GPATCH8: variants seen among roughly 807,000 people sequenced by gnomAD.
GPATCH8 encodes G patch domain-containing protein 8.
A neutral mutation model predicts 118.3 loss-of-function variants in GPATCH8; 18 were observed. The observed-to-expected ratio is 0.15, with a 90% CI of 0.11 to 0.23. The LOEUF (loss-of-function observed/expected upper bound fraction) is 0.23, where lower values mean the gene tolerates loss of function less well. GPATCH8 is among the 10% of genes least tolerant of loss of function. The probability of loss-of-function intolerance (pLI) is 1.00; values close to 1 mark genes in which losing one functional copy is unlikely to be tolerated. For missense variants in GPATCH8, 1,631 were observed against 1,873.8 expected (o/e 0.87, Z 2.39); for synonymous variants, 659 against 684.7 (o/e 0.96, Z 0.59).
intron 6 of GPATCH8, among the ~76,000 whole-genome samples, chr17:44,410,332 T>A (rs1007305172): frequency 5.3e-4 from 81 of 152,300 alleles, no homozygotes; most frequent in African/African-American, 1.9e-3. Flanking sequence ...TGCCTGCCTA[T>A]GAGAGAAGAG....
intron 1 of GPATCH8, among the ~76,000 whole-genome samples, chr17:44,496,487 A>G (rs1477607999): frequency 6.6e-6 from 1 of 152,254 alleles, no homozygotes; most frequent in Non-Finnish European, 1.5e-5. Flanking sequence ...CACAAGGATG[A>G]CAACAAACAA....
intron 3 of GPATCH8, among the ~76,000 whole-genome samples, chr17:44,439,817 C>A (rs2050629565): frequency 6.8e-6 from 1 of 146,888 alleles, no homozygotes; most frequent in African/African-American, 2.5e-5. Flanking sequence ...GAGTTTCGCT[C>A]TTGTTGCCCA....
intron 3 of GPATCH8, among the ~76,000 whole-genome samples, chr17:44,458,867 A>G (rs1293706911): frequency 2.6e-5 from 4 of 152,298 alleles, no homozygotes; most frequent in Non-Finnish European, 4.4e-5. Flanking sequence ...GGTTATGCTC[A>G]GAAAAGCTTT....
chr17:44,464,553 C>T lies in GPATCH8; in HGVS notation c.121-9G>A. ...CGGTGTCCAATATTATCCTGACAGA[C>T]AGAACAGAGAGACAAACCAAAAATA... On this transcript the variant is annotated splice_polypyrimidine_tract_variant and intron_variant, in intron 2 of 7. Transcript: ENST00000591680. 6.4e-7 allele frequency: 1 copy of T among 1,563,808 alleles called. No individual in the cohort carries two copies. Among genetic ancestry groups the T allele is most frequent in the Non-Finnish European group, 8.8e-7 (1 of 1,135,634 alleles).
intron 5 of GPATCH8, among the ~76,000 whole-genome samples, chr17:44,426,768 T>G (rs567890257): frequency 3.3e-5 from 5 of 151,710 alleles, no homozygotes; most frequent in Non-Finnish European, 7.4e-5. Flanking sequence ...AAAGACAGAC[T>G]CCTTTCAGCA....
At chr17:44,498,803 A>C (rs1969854724) in intron 1 of GPATCH8, among the ~76,000 whole-genome samples, 1 of 152,220 alleles carries the variant, frequency 6.6e-6, no homozygotes. Flanking sequence ...ACACTTGTCC[A>C]TGTGTCATAT....
At position 44,395,823 on chromosome 17, in the gene GPATCH8, G is replaced by A. The variant is rs1458770902; in HGVS notation, c.*1745C>T. The A allele has an allele frequency of 2.2e-6, 1 of 454,128 alleles. No individual in the cohort carries two copies. Among genetic ancestry groups the A allele is most frequent in the Non-Finnish European group, 4.4e-6 (1 of 226,792 alleles). 28.1% of individuals were successfully genotyped at this position (454,128 alleles called of 1,614,324 possible). A position where few individuals can be genotyped will look rare whatever the true frequency, so the allele number is the denominator to read the frequency against. On this transcript the variant is annotated 3_prime_UTR_variant, in exon 8 of 8. Transcript: ENST00000591680. ...TAGCCACACGAATAGTTAGGAAAAT[G>A]CCAAAGTGGGAATTGTTAACCTCAT...
chr17:44,405,903 G>C lies in GPATCH8; in HGVS notation c.623+18C>G. On this transcript the variant is annotated intron_variant, in intron 7 of 7. Transcript: ENST00000591680. ...ATTATAATTATCTGTACAACCCTCT[G>C]ATAAAAAATATCCTCACCATTCAGC... The C allele has an allele frequency of 1.9e-6, 3 of 1,565,274 alleles. No homozygotes were observed. Among genetic ancestry groups the C allele is most frequent in the Non-Finnish European group, 2.6e-6 (3 of 1,135,488 alleles).
At chr17:44,443,009 C>T (rs2050755567) in intron 3 of GPATCH8, among the ~76,000 whole-genome samples, 1 of 152,182 alleles carries the variant, frequency 6.6e-6, no homozygotes, top group Non-Finnish European at 1.5e-5. Context: ...CACTTGAGCC[C>T]AGGAGCTGGA....
intron 3 of GPATCH8, among the ~76,000 whole-genome samples, chr17:44,461,156 G>A (rs2051531682): frequency 6.6e-6 from 1 of 152,096 alleles, no homozygotes; most frequent in South Asian, 2.1e-4. Context: ...TATGTTATGT[G>A]TTTTGGAAAG....
At chr17:44,464,933 ATT>A (rs542413358) in intron 2 of GPATCH8, 41 of 165,766 alleles carry the variant, frequency 2.5e-4, no homozygotes, top group South Asian at 6.9e-4. Context: ...CCACTTTAAG[ATT>A]TTTTTTTTTT....
Position 44,400,074 on chromosome 17 carries a change from C to A in GPATCH8, c.2003G>T (p.Arg668Leu). The change falls in exon 8 of 8, where the codon CGA becomes CTA. Residue 668 changes from arginine to leucine, a missense_variant. By Grantham distance (102) the Arg-to-Leu change is moderately radical. This residue lies in a region of GPATCH8 where 922 missense variants were observed against 879.7 expected (regional missense o/e 1.05). Coordinates refer to ENST00000591680, the MANE Select transcript of GPATCH8 (RefSeq NM_001002909.4). ...TGRSLPSKKE[R>L]SGKSHRHKKK... is the part of the protein sequence containing the mutation. Reference sequence around the variant, plus strand: ...TTTGTGCCGGTGGGACTTCCCAGATCGTTCTTTCTTGCTGGGAAGGCTTCT... The same window carrying A: ...TTTGTGCCGGTGGGACTTCCCAGATAGTTCTTTCTTGCTGGGAAGGCTTCT... The A allele has an allele frequency of 3.7e-6, 6 of 1,613,854 alleles. No homozygotes were observed. The highest frequency in any genetic ancestry group is 4.2e-6 in the Non-Finnish European group (5 of 1,179,986).
intron 6 of GPATCH8, among the ~76,000 whole-genome samples, chr17:44,406,778 T>C (rs1395038555): frequency 2.0e-5 from 3 of 152,184 alleles, no homozygotes; most frequent in Non-Finnish European, 4.4e-5. Flanking sequence ...TCAAAGATTT[T>C]ATTACTTAAA....
intron 6 of GPATCH8, among the ~76,000 whole-genome samples, chr17:44,411,007 A>AC (rs1168613108): frequency 1.3e-5 from 2 of 152,272 alleles, no homozygotes; most frequent in East Asian, 3.8e-4. Context: ...TTGCTCTACT[A>AC]TCACTGAAAA....
In GPATCH8 at chr17:44,399,195, C is replaced by T. The variant is rs371474623; in HGVS notation, c.2882G>A (p.Arg961His). ...RERSRSRGRSRSSSCSRSRSK... is the reference protein window; with the variant it reads ...RERSRSRGRSHSSSCSRSRSK... Reference sequence around the variant, plus strand: ...TCGACTACGACTACAACTGCTGCTGCGGCTGCGGCCCCGGGATCTTGAGCG... The same window carrying T: ...TCGACTACGACTACAACTGCTGCTGTGGCTGCGGCCCCGGGATCTTGAGCG... Residue 961 changes from arginine (R) to histidine (H), a missense_variant, in exon 8 of 8, where the codon CGC (arginine) becomes CAC (histidine). By Grantham distance (29) the Arg-to-His change is conservative. Around this residue, in one of 8 missense-constraint regions of GPATCH8, gnomAD observed 922 missense variants for 879.7 expected, o/e 1.05. Transcript: ENST00000591680. The T allele has an allele frequency of 1.9e-5, 31 of 1,613,134 alleles. No homozygotes were observed. The highest frequency in any genetic ancestry group is 1.1e-4 in the East Asian group (5 of 44,892).
intron 7 of GPATCH8, among the ~76,000 whole-genome samples, chr17:44,405,350 AGGCATGT>A: frequency 6.6e-6 from 1 of 152,004 alleles, no homozygotes; most frequent in South Asian, 2.1e-4. Context: ...CTGGGATTAT[AGGCATGT>A]GCCACCACGC....
chr17:44,435,411 C>CA, intron 4 of GPATCH8, among the ~76,000 whole-genome samples: 1 of 99,754 alleles, frequency 1.0e-5, no homozygotes. Flanking sequence ...TCTTTCTTTC[C>CA]TTTTTTTTTT....
intron 1 of GPATCH8, among the ~76,000 whole-genome samples, chr17:44,489,865 T>C (rs1264727592): frequency 6.6e-6 from 1 of 152,204 alleles, no homozygotes; most frequent in African/African-American, 2.4e-5. Flanking sequence ...AAACATTCAG[T>C]ATGGCGTCTG....
At chr17:44,482,446 C>T (rs1428649335) in intron 1 of GPATCH8, among the ~76,000 whole-genome samples, 4 of 151,156 alleles carry the variant, frequency 2.6e-5, no homozygotes, top group Middle Eastern at 6.8e-3. Flanking sequence ...TGGTGGCGGG[C>T]GCCTGTAATC....
Sources: gnomAD v4.1 joint callset for allele counts (sites outside exome capture counted in the v4.1 genomes callset) on GRCh38, gnomAD v4.1.1 for gene constraint, gnomAD v4.1.1 regional missense constraint, MANE v1.5 for transcripts, NCBI Gene and HGNC (gene_info 2026-07-23, HGNC 2026-07-21) for gene names.